PTPRT: variants seen among roughly 807,000 people sequenced by gnomAD.
PTPRT encodes receptor-type tyrosine-protein phosphatase T.
A neutral mutation model predicts 176.8 loss-of-function variants in PTPRT; 56 were observed. The observed-to-expected ratio is 0.32, with a 90% CI of 0.26 to 0.40. The LOEUF is 0.40. Ranked by LOEUF, PTPRT falls within the 10% of genes least tolerant of loss-of-function variation. The pLI, the probability that PTPRT is intolerant of heterozygous loss-of-function variation, is 1.00. For missense variants in PTPRT, 1,540 were observed against 1,908.2 expected, an observed-to-expected ratio of 0.81 and a Z score of 3.60; for synonymous variants, 783 against 739.0, an observed-to-expected ratio of 1.06 and a Z score of -0.96.
intron 1 of PTPRT, among the ~76,000 whole-genome samples, chr20:42,981,724 C>T (rs1330800858): frequency 6.6e-6 from 1 of 152,220 alleles, no homozygotes; most frequent in Admixed American, 6.5e-5. Flanking sequence ...ACCTACTGGA[C>T]ACGCATGATT....
At chr20:42,034,391 G>A in the PTPRT span, among the ~76,000 whole-genome samples, 1 of 152,086 alleles carries the variant, frequency 6.6e-6, no homozygotes, top group Non-Finnish European at 1.5e-5. Flanking sequence ...AGGGAGAGAG[G>A]GAGAGAGGAG....
intron 2 of PTPRT, among the ~76,000 whole-genome samples, chr20:42,836,879 C>CTA (rs1177237251): frequency 6.6e-6 from 1 of 152,170 alleles, no homozygotes; most frequent in Non-Finnish European, 1.5e-5. Context: ...CAGAAATTAA[C>CTA]TATTACGTGC....
intron 12 of PTPRT, among the ~76,000 whole-genome samples, chr20:42,300,374 C>T (rs1248974830): frequency 6.6e-6 from 1 of 151,934 alleles, no homozygotes; most frequent in Non-Finnish European, 1.5e-5. Context: ...CCCACTCGTT[C>T]CCAGGTCTGA....
At chr20:43,128,269 G>A (rs2013518628) in intron 1 of PTPRT, among the ~76,000 whole-genome samples, 2 of 152,180 alleles carry the variant, frequency 1.3e-5, no homozygotes, top group South Asian at 4.1e-4. Context: ...CATAAAAAAG[G>A]ACAAACAGAT....
intron 1 of PTPRT, among the ~76,000 whole-genome samples, chr20:43,120,280 T>A (rs1200182197): frequency 1.3e-5 from 2 of 151,414 alleles, no homozygotes; most frequent in African/African-American, 4.9e-5. Context: ...AGATCCAGTT[T>A]TTTTTTTTTT....
At chr20:42,113,596 C>G (rs1473209225) in intron 22 of PTPRT, among the ~76,000 whole-genome samples, 1 of 152,236 alleles carries the variant, frequency 6.6e-6, no homozygotes, top group African/African-American at 2.4e-5. Flanking sequence ...GGACAACTCA[C>G]TCTGTGGCAT....
At chr20:42,057,396 G>C in the PTPRT span, among the ~76,000 whole-genome samples, 13 of 152,246 alleles carry the variant, frequency 8.5e-5, no homozygotes, top group Middle Eastern at 0.01. Context: ...GGGTACAGCA[G>C]GGAACGGATT....
intron 15 of PTPRT, among the ~76,000 whole-genome samples, chr20:42,219,519 C>CA (rs983330942): frequency 1.3e-5 from 2 of 152,178 alleles, no homozygotes; most frequent in African/African-American, 4.8e-5. Flanking sequence ...GTTAGATAAG[C>CA]ATTGTTAGAG....
intron 3 of PTPRT, among the ~76,000 whole-genome samples, chr20:42,785,437 A>G (rs208254): frequency 6.6e-6 from 1 of 151,998 alleles, no homozygotes; most frequent in Non-Finnish European, 1.5e-5. Context: ...GGTCTGGTGA[A>G]TTTTAAAACC....
At position 42,248,813 on chromosome 20, in the gene PTPRT, G is replaced by C; in HGVS notation, c.2186C>G (p.Thr729Ser). ...CVRLATKGAS[T>S]QNSNTVEPEK... ...TGGCTCCACAGTGTTAGAATTCTGGGTGGAGGCACCTAGGAAGGGAAAGGG... is the reference window on the plus strand; with the variant it reads ...TGGCTCCACAGTGTTAGAATTCTGGCTGGAGGCACCTAGGAAGGGAAAGGG... The change falls in exon 14 of 31, where the codon ACC becomes AGC. Residue 729 changes from threonine (T) to serine (S), a missense_variant. This residue lies in a region of PTPRT where 255 missense variants were observed against 250.1 expected (regional missense o/e 1.02). Coordinates refer to ENST00000373187, the MANE Select transcript of PTPRT (RefSeq NM_007050.6). 6.2e-7 allele frequency: 1 copy of C among 1,613,924 alleles called. No individual in the cohort carries two copies. The highest frequency in any genetic ancestry group is 8.5e-7 in the Non-Finnish European group (1 of 1,179,830).
chr20:42,112,560 C>G (rs1987061241), intron 22 of PTPRT, among the ~76,000 whole-genome samples: 1 of 152,170 alleles, frequency 6.6e-6, no homozygotes, highest in Non-Finnish European at 1.5e-5. Context: ...ACCTGAGGCC[C>G]CTTTGCCTCA....
intron 1 of PTPRT, among the ~76,000 whole-genome samples, chr20:42,985,451 A>ACG (rs1568717632): frequency 6.6e-6 from 1 of 151,930 alleles, no homozygotes; most frequent in Non-Finnish European, 1.5e-5. Context: ...CCAAGATCAC[A>ACG]CCATTGCACT....
chr20:42,547,167 A>C (rs1480776211), intron 7 of PTPRT, among the ~76,000 whole-genome samples: 1 of 152,186 alleles, frequency 6.6e-6, no homozygotes, highest in Non-Finnish European at 1.5e-5. Context: ...TTTGAGCCTC[A>C]GAACTCTAAC....
intron 7 of PTPRT, among the ~76,000 whole-genome samples, chr20:42,649,580 T>C (rs1285830213): frequency 6.6e-6 from 1 of 152,110 alleles, no homozygotes; most frequent in Non-Finnish European, 1.5e-5. Context: ...TGAAAGTCCA[T>C]CTCTATAAAC....
intron 9 of PTPRT, among the ~76,000 whole-genome samples, chr20:42,374,996 A>T (rs1468517308): frequency 1.3e-5 from 2 of 152,258 alleles, no homozygotes; most frequent in Non-Finnish European, 2.9e-5. Context: ...AATCTATTCC[A>T]GAAATTCCAC....
At chr20:42,069,200 G>T (rs1982215549), downstream of PTPRT, among the ~76,000 whole-genome samples, 1 of 152,228 alleles carries the variant, frequency 6.6e-6, no homozygotes, top group South Asian at 2.1e-4. Context: ...TGGTCCTTCA[G>T]TGAAGAGCTT....
intron 21 of PTPRT, chr20:42,116,108 G>T: frequency 1.4e-6 from 1 of 719,344 alleles, no homozygotes; most frequent in Non-Finnish European, 2.6e-6. Context: ...GCTAATAGGT[G>T]TTAGGTAAAA....
chr20:42,434,452 C>A (rs1186065413), intron 9 of PTPRT, among the ~76,000 whole-genome samples: 3 of 152,030 alleles, frequency 2.0e-5, no homozygotes, highest in Admixed American at 1.3e-4. Flanking sequence ...CAAATTAATT[C>A]TATGAGTTAA....
intron 7 of PTPRT, among the ~76,000 whole-genome samples, chr20:42,653,827 G>GT (rs762430032): frequency 2.6e-5 from 4 of 152,164 alleles, no homozygotes; most frequent in Non-Finnish European, 4.4e-5. Context: ...ATCGTTAAGT[G>GT]TAATGAAATT....
Sources: gnomAD v4.1 joint callset for allele counts (sites outside exome capture counted in the v4.1 genomes callset) on GRCh38, gnomAD v4.1.1 for gene constraint, gnomAD v4.1.1 regional missense constraint, MANE v1.5 for transcripts, NCBI Gene and HGNC (gene_info 2026-07-23, HGNC 2026-07-21) for gene names.